Variants in DPF3 observed in about 807,000 individuals in gnomAD.
DPF3 encodes double PHD fingers 3.
A neutral mutation model predicts 56.8 loss-of-function variants in DPF3; 18 were observed. That is an observed-to-expected ratio of 0.32 (90% CI 0.22 to 0.47). The LOEUF is 0.47. DPF3 is among the 20% of genes least tolerant of loss of function. The pLI is 1.00. For missense variants in DPF3, 403 were observed against 488.8 expected, an observed-to-expected ratio of 0.82 and a Z score of 1.65; for synonymous variants, 188 against 180.2, an observed-to-expected ratio of 1.04 and a Z score of -0.35.
intron 4 of DPF3, among the ~76,000 whole-genome samples, chr14:72,730,790 A>T (rs1889608203): frequency 6.6e-6 from 1 of 152,146 alleles, no homozygotes; most frequent in African/African-American, 2.4e-5. Context: ...CTATTATTTC[A>T]TAATAGGATC....
chr14:72,738,625 G>A (rs1170177691), intron 3 of DPF3, among the ~76,000 whole-genome samples: 2 of 152,164 alleles, frequency 1.3e-5, no homozygotes, highest in African/African-American at 4.8e-5. Flanking sequence ...ATTTCCAAAG[G>A]CAAGGTCGGG....
rs1887521956 is a variant in DPF3 at position 72,688,316 on chromosome 14, TG to T, written c.742+4759del. On this transcript the variant is annotated intron_variant, in intron 7 of 10. Transcript: ENST00000556509. ...ATGGATGGGTGGGTGGGTGGGTGGG[TG>T]GGTGGGTGGATGGATCGATGACGTA... Among the ~76,000 whole-genome samples the T allele has an allele frequency of 2.0e-3, 11 of 5,554 alleles. No homozygotes were observed. The South Asian group carries it at 0.05, about 25-fold the overall frequency. 3.6% of individuals were successfully genotyped at this position (5,554 alleles called of 152,430 possible). A position where few individuals can be genotyped will look rare whatever the true frequency, so the allele number is the denominator to read the frequency against.
At chr14:72,697,819 GGAGT>G (rs1467490337) in intron 6 of DPF3, among the ~76,000 whole-genome samples, 3 of 152,148 alleles carry the variant, frequency 2.0e-5, no homozygotes, top group African/African-American at 7.2e-5. Context: ...GGTGGAAAAG[GGAGT>G]GAGTAAGAAA....
intron 1 of DPF3, among the ~76,000 whole-genome samples, chr14:72,851,814 G>A (rs1157469606): frequency 6.6e-6 from 1 of 152,232 alleles, no homozygotes; most frequent in Non-Finnish European, 1.5e-5. Flanking sequence ...CGGGCAACGG[G>A]TAGGCAACCG....
intron 8 of DPF3, among the ~76,000 whole-genome samples, chr14:72,637,108 C>T (rs1885405480): frequency 6.6e-6 from 1 of 152,234 alleles, no homozygotes; most frequent in Non-Finnish European, 1.5e-5. Flanking sequence ...AAAGCACATT[C>T]ATGCAAGAGT....
At chr14:72,844,888 T>G (rs1884687695) in intron 1 of DPF3, among the ~76,000 whole-genome samples, 2 of 151,218 alleles carry the variant, frequency 1.3e-5, no homozygotes, top group African/African-American at 2.4e-5. Flanking sequence ...GTTTGGGAGG[T>G]CAAGGCCAGA....
At chr14:72,663,496 C>T (rs1279025679) in intron 8 of DPF3, among the ~76,000 whole-genome samples, 1 of 152,198 alleles carries the variant, frequency 6.6e-6, no homozygotes, top group Non-Finnish European at 1.5e-5. Flanking sequence ...CACAGTGATC[C>T]CTTTGTCAGC....
intron 7 of DPF3, among the ~76,000 whole-genome samples, chr14:72,692,035 G>C (rs12432455): frequency 0.37 from 56,339 of 152,120 alleles, 12,651 homozygotes; most frequent in Non-Finnish European, 0.51. Context: ...CTAATCTGAA[G>C]AATGGTCTTG....
chr14:72,647,209 CCAA>C (rs1311394185), intron 8 of DPF3, among the ~76,000 whole-genome samples: 1 of 152,218 alleles, frequency 6.6e-6, no homozygotes, highest in African/African-American at 2.4e-5. Flanking sequence ...GAACAAAAGG[CCAA>C]GGTTTACCAC....
At chr14:72,651,435 T>C (rs928526307) in intron 8 of DPF3, among the ~76,000 whole-genome samples, 2 of 152,190 alleles carry the variant, frequency 1.3e-5, no homozygotes, top group Admixed American at 1.3e-4. Context: ...GGGAGAAGTT[T>C]CCAAAAGGGA....
intron 6 of DPF3, among the ~76,000 whole-genome samples, chr14:72,695,777 T>C (rs1028176420): frequency 2.0e-5 from 3 of 152,146 alleles, no homozygotes; most frequent in Non-Finnish European, 4.4e-5. Flanking sequence ...ATGGGTTTAA[T>C]AGAAGCCCAA....
At chr14:72,771,996 A>C in intron 1 of DPF3, 103 bp from the exon 2 acceptor site, 1 of 1,262,226 alleles carries the variant, frequency 7.9e-7, no homozygotes, top group South Asian at 2.4e-5. Flanking sequence ...AAGACTGAAG[A>C]CCTCCCAGTT....
chr14:72,631,114 T>C (rs1242436339), intron 8 of DPF3, among the ~76,000 whole-genome samples: 1 of 152,146 alleles, frequency 6.6e-6, no homozygotes, highest in Non-Finnish European at 1.5e-5. Context: ...ATAGAAACCA[T>C]GCTGAGTTAT....
chr14:72,644,846 A>G lies in DPF3; in HGVS notation c.872-15110T>C, dbSNP rs952964090. ...TTAGGTGTGAGAGAATTAGGAATAC[A>G]TCACCAGAAATCTGACCTCCTTTCA... On this transcript the variant is annotated intron_variant, in intron 8 of 10. Transcript: ENST00000556509. 9.2e-5 allele frequency among the ~76,000 whole-genome samples: 14 copies of G among 152,246 alleles called. No individual in the cohort carries two copies. The East Asian group carries it at 9.6e-4, about 10-fold the overall frequency.
chr14:72,745,092 T>A (rs1480437518), intron 3 of DPF3, among the ~76,000 whole-genome samples: 1 of 84,416 alleles, frequency 1.2e-5, no homozygotes, highest in Non-Finnish European at 2.3e-5. Context: ...CCTCAGGGGG[T>A]GGGTGTGGAG....
At chr14:72,794,655 G>A (rs965861979) in intron 1 of DPF3, among the ~76,000 whole-genome samples, 1 of 152,100 alleles carries the variant, frequency 6.6e-6, no homozygotes, top group Non-Finnish European at 1.5e-5. Context: ...TGGAACTTTG[G>A]GATATTCCAC....
chr14:72,614,777 G>GAA lies in DPF3; in HGVS notation c.*4518_*4519dup, dbSNP rs757694376. 3.1e-4 allele frequency among the ~76,000 whole-genome samples: 30 copies of GAA among 96,058 alleles called. No individual in the cohort carries two copies. Among genetic ancestry groups the GAA allele is most frequent in the East Asian group, 1.8e-3 (3 of 1,638 alleles). 63.0% of individuals were successfully genotyped at this position (96,058 alleles called of 152,430 possible). ...CTGTTGCCCAGGATCACAAGCCTCA[G>GAA]AAAAAAAAAAAAGAGTTACAATCAC... On this transcript the variant is annotated 3_prime_UTR_variant, in exon 11 of 11. Coordinates refer to ENST00000556509, the MANE Select transcript of DPF3 (RefSeq NM_001280542.3).
intron 8 of DPF3, among the ~76,000 whole-genome samples, chr14:72,632,680 A>G: frequency 1.5e-5 from 2 of 130,342 alleles, no homozygotes; most frequent in African/African-American, 5.6e-5. Context: ...GGAAGGAAGG[A>G]GAAGGGAAGA....
At position 72,670,019 on chromosome 14, in the gene DPF3, G is replaced by A. The variant is rs1196196499; in HGVS notation, c.871+4221C>T. 4 of 985,778 alleles carry A rather than the reference G, an allele frequency of 4.1e-6. No individual in the cohort carries two copies. In the East Asian group the frequency reaches 3.4e-4, roughly 84 times the overall value. The allele number at this position is 985,778 out of a possible 1,614,324, so 61.1% of individuals were successfully genotyped here. A position where few individuals can be genotyped will look rare whatever the true frequency, so the allele number is the denominator to read the frequency against. Reference sequence around the variant, plus strand: ...AGTGAGGTGGGTGGCCTTCTCCATCGCCCCAGGGGCCTTGAGCAGTGTTGC... The same window carrying A: ...AGTGAGGTGGGTGGCCTTCTCCATCACCCCAGGGGCCTTGAGCAGTGTTGC... On this transcript the variant is annotated intron_variant, in intron 8 of 10. Coordinates refer to ENST00000556509, the MANE Select transcript of DPF3 (RefSeq NM_001280542.3).
Sources: allele counts gnomAD v4.1 joint callset (sites outside exome capture counted in the v4.1 genomes callset), GRCh38; gene constraint gnomAD v4.1.1; transcripts MANE v1.5; gene names NCBI Gene and HGNC (gene_info 2026-07-23, HGNC 2026-07-21).